DDAH1: variants seen among roughly 807,000 people sequenced by gnomAD.
DDAH1 encodes N(G),N(G)-dimethylarginine dimethylaminohydrolase 1.
In DDAH1, 19 loss-of-function variants were observed where a neutral mutation model predicts 28.8. That is an observed-to-expected ratio of 0.66 (90% CI 0.46 to 0.97). DDAH1 has a LOEUF of 0.97. Among genes scored for constraint, DDAH1 ranks in the 50% least tolerant of loss-of-function variants. The pLI is 0.00. For missense variants in DDAH1, 326 were observed against 375.9 expected (o/e 0.87, Z 1.10); for synonymous variants, 153 against 154.4 (o/e 0.99, Z 0.07).
intron 2 of DDAH1, among the ~76,000 whole-genome samples, chr1:85,481,309 G>A (rs1656007912): frequency 6.6e-6 from 1 of 151,870 alleles, no homozygotes; most frequent in African/African-American, 2.4e-5. Context: ...TGTTGACCAG[G>A]CTGGTCTCGA....
intron 1 of DDAH1, among the ~76,000 whole-genome samples, chr1:85,537,773 T>C (rs1208862723): frequency 6.6e-6 from 1 of 151,372 alleles, no homozygotes; most frequent in Admixed American, 6.6e-5. Context: ...CAGTAAATTA[T>C]AATCTTTAGG....
intron 1 of DDAH1, among the ~76,000 whole-genome samples, chr1:85,437,342 T>C (rs1233413035): frequency 2.0e-5 from 3 of 152,158 alleles, no homozygotes; most frequent in Non-Finnish European, 2.9e-5. Context: ...TAGTTGACCC[T>C]TGAACAACAT....
chr1:85,492,635 T>A (rs1656446481), intron 2 of DDAH1, among the ~76,000 whole-genome samples: 1 of 152,152 alleles, frequency 6.6e-6, no homozygotes, highest in African/African-American at 2.4e-5. Context: ...AACATTCTGA[T>A]TTACAGATCT....
chr1:85,531,382 C>T (rs1658086595), intron 1 of DDAH1, among the ~76,000 whole-genome samples: 2 of 152,138 alleles, frequency 1.3e-5, no homozygotes, highest in African/African-American at 4.8e-5. Context: ...AATCAATACA[C>T]AGGTTGCATT....
At chr1:85,392,046 T>C (rs1158050352) in intron 1 of DDAH1, among the ~76,000 whole-genome samples, 1 of 152,238 alleles carries the variant, frequency 6.6e-6, no homozygotes, top group Non-Finnish European at 1.5e-5. Context: ...TTTGGTTACA[T>C]GAATAAGTTC....
chr1:85,424,573 C>T (rs938642139), intron 1 of DDAH1, among the ~76,000 whole-genome samples: 1 of 151,908 alleles, frequency 6.6e-6, no homozygotes, highest in Admixed American at 6.6e-5. Context: ...TATTTTTCCC[C>T]CTTAACTAGT....
chr1:85,448,543 A>C (rs894725950), intron 1 of DDAH1, among the ~76,000 whole-genome samples: 3 of 152,126 alleles, frequency 2.0e-5, no homozygotes, highest in Non-Finnish European at 4.4e-5. Flanking sequence ...CATCCACATA[A>C]ATGAGCGGTG....
At chr1:85,574,875 ATCTCTC>A (rs145762144) in intron 1 of DDAH1, among the ~76,000 whole-genome samples, 5 of 151,484 alleles carry the variant, frequency 3.3e-5, no homozygotes, top group South Asian at 2.1e-4. Flanking sequence ...GTGAAAACCC[ATCTCTC>A]TCTCTCTCTC....
At chr1:85,323,714 A>G (rs917530181) in intron 5 of DDAH1, among the ~76,000 whole-genome samples, 2 of 152,152 alleles carry the variant, frequency 1.3e-5, no homozygotes, top group Non-Finnish European at 2.9e-5. Flanking sequence ...GTGGTGGCTC[A>G]TGCCTGTGCA....
At chr1:85,361,933 G>A (rs187431168) in intron 1 of DDAH1, among the ~76,000 whole-genome samples, 1 of 152,134 alleles carries the variant, frequency 6.6e-6, no homozygotes, top group Admixed American at 6.5e-5. Context: ...AAGTCACACA[G>A]TATTTGCTGA....
chr1:85,536,981 AT>A (rs1658306495), intron 1 of DDAH1, among the ~76,000 whole-genome samples: 1 of 30,880 alleles, frequency 3.2e-5, no homozygotes, highest in Non-Finnish European at 6.7e-5. Context: ...ATATATATAT[AT>A]ATACGTATAT....
intron 1 of DDAH1, among the ~76,000 whole-genome samples, chr1:85,365,784 T>G (rs1650043852): frequency 6.6e-6 from 1 of 152,044 alleles, no homozygotes. Context: ...CCCCTTTGAG[T>G]GTGAGTAGGA....
At chr1:85,388,560 C>T (rs1651392011) in intron 1 of DDAH1, among the ~76,000 whole-genome samples, 1 of 152,100 alleles carries the variant, frequency 6.6e-6, no homozygotes, top group African/African-American at 2.4e-5. Flanking sequence ...TTCTGAGTAC[C>T]ATTTCAAAAT....
intron 4 of DDAH1, among the ~76,000 whole-genome samples, chr1:85,338,711 T>G (rs1474031067): frequency 6.6e-6 from 1 of 152,108 alleles, no homozygotes; most frequent in Non-Finnish European, 1.5e-5. Flanking sequence ...CTTGGGTACA[T>G]TAAAGTTTGA....
At chr1:85,452,743 A>G (rs766719099) in intron 1 of DDAH1, among the ~76,000 whole-genome samples, 5 of 152,178 alleles carry the variant, frequency 3.3e-5, no homozygotes, top group Admixed American at 6.6e-5. Context: ...TAGCACCATA[A>G]AAGCCCATCC....
chr1:85,435,626 T>C (rs12130380), intron 1 of DDAH1, among the ~76,000 whole-genome samples: 29,102 of 151,516 alleles, frequency 0.19, 3,033 homozygotes, highest in East Asian at 0.27. Flanking sequence ...AGGTGGAGAG[T>C]TGTGAAATTT....
chr1:85,434,234 C>T (rs1298138224), intron 1 of DDAH1, among the ~76,000 whole-genome samples: 1 of 152,098 alleles, frequency 6.6e-6, no homozygotes, highest in Admixed American at 6.5e-5. Context: ...TTTGATGTGT[C>T]ACATGATGCC....
intron 1 of DDAH1, among the ~76,000 whole-genome samples, chr1:85,423,615 A>G (rs887561156): frequency 1.3e-5 from 2 of 152,148 alleles, no homozygotes; most frequent in African/African-American, 4.8e-5. Context: ...TAAGAAAGCA[A>G]TCAACTTTTG....
chr1:85,560,274 A>T (rs1659101436), intron 1 of DDAH1, among the ~76,000 whole-genome samples: 1 of 152,160 alleles, frequency 6.6e-6, no homozygotes, highest in South Asian at 2.1e-4. Flanking sequence ...AGAAAAATAA[A>T]AGCAAACAGA....
Sources: gnomAD v4.1 joint callset for allele counts (sites outside exome capture counted in the v4.1 genomes callset) on GRCh38, gnomAD v4.1.1 for gene constraint, MANE v1.5 for transcripts, NCBI Gene and HGNC (gene_info 2026-07-23, HGNC 2026-07-21) for gene names.